POLK: variants seen among roughly 807,000 people sequenced by gnomAD.
POLK encodes the protein DNA polymerase kappa, also known as polymerase (DNA directed) kappa.
In POLK, 76 loss-of-function variants were observed where a neutral mutation model predicts 94.0. The observed-to-expected ratio is 0.81, with a 90% CI of 0.67 to 0.98. POLK has a LOEUF of 0.98. Ranked by LOEUF, POLK falls within the 50% of genes least tolerant of loss-of-function variation. POLK has a pLI of 0.00. For synonymous variants in POLK, 349 were observed against 325.4 expected, an observed-to-expected ratio of 1.07 and a Z score of -0.78; for missense variants, 954 against 1,010.1, an observed-to-expected ratio of 0.94 and a Z score of 0.75.
At chr5:75,569,217 A>G in intron 3 of POLK, 123 bp from the exon 4 acceptor site, 1 of 641,460 alleles carries the variant, frequency 1.6e-6, no homozygotes. Context: ...GGATGGATGG[A>G]TGGATGAATG....
At chr5:75,564,404 A>T (rs572369389) in intron 3 of POLK, among the ~76,000 whole-genome samples, 2 of 151,646 alleles carry the variant, frequency 1.3e-5, no homozygotes, top group South Asian at 4.2e-4. Flanking sequence ...GTGTCTTTTA[A>T]TTGGGGCATT....
At chr5:75,533,273 A>G (rs758731511) in intron 1 of POLK, among the ~76,000 whole-genome samples, 27 of 152,168 alleles carry the variant, frequency 1.8e-4, no homozygotes, top group African/African-American at 6.0e-4. Context: ...ATAATGTAAT[A>G]AAAGGATCTA....
At chr5:75,596,282 T>C (rs1183768784) in exon 13 of POLK, 1 of 1,613,552 alleles carries the variant, frequency 6.2e-7, no homozygotes, top group African/African-American at 1.3e-5. Context: ...AGGAGCATTA[T>C]TGGCTTTTTA....
At chr5:75,546,855 C>T (rs1561357535) in intron 1 of POLK, among the ~76,000 whole-genome samples, 155 bp from the exon 2 acceptor site, 1 of 152,060 alleles carries the variant, frequency 6.6e-6, no homozygotes, top group Non-Finnish European at 1.5e-5. Context: ...TTAGTAGAGA[C>T]AGGGTTTCAC....
rs58783164 is a variant in POLK, at chr5:75,595,248, G to GAAAAAAAAAAAAAAA, written c.1529-963_1529-949dup. 2.5e-3 allele frequency among the ~76,000 whole-genome samples: 63 copies of GAAAAAAAAAAAAAAA among 24,880 alleles called. 12 individuals carry two copies. The highest frequency in any genetic ancestry group is 6.8e-3 in the East Asian group (5 of 734). 16.3% of individuals were successfully genotyped at this position (24,880 alleles called of 152,430 possible). A position where few individuals can be genotyped will look rare whatever the true frequency, so the allele number is the denominator to read the frequency against. ...GCAACAAGAGTGAAACTCCACCTCAGAAAAAAAAAAAAAAAAAAAAAAAAA... is the reference window on the plus strand; with the variant it reads ...GCAACAAGAGTGAAACTCCACCTCAGAAAAAAAAAAAAAAAAAAAAAAAAAAAAAAAAAAAAAAAA... On this transcript the variant is annotated intron_variant, in intron 12 of 14. Transcript: ENST00000241436.
chr5:75,525,656 A>G (rs1768804006), intron 1 of POLK, among the ~76,000 whole-genome samples: 1 of 152,234 alleles, frequency 6.6e-6, no homozygotes, highest in Non-Finnish European at 1.5e-5. Context: ...TCAAAATAGG[A>G]AAACATACAT....
intron 1 of POLK, among the ~76,000 whole-genome samples, chr5:75,533,564 C>T (rs1392960418): frequency 6.6e-6 from 1 of 152,058 alleles, no homozygotes. Flanking sequence ...CTTGGCTATT[C>T]GAGCTCTTTT....
intron 1 of POLK, among the ~76,000 whole-genome samples, chr5:75,515,089 G>C (rs1768261561): frequency 6.6e-6 from 1 of 152,048 alleles, no homozygotes; most frequent in South Asian, 2.1e-4. Context: ...GCAAATATAT[G>C]TTCCAATTAC....
At chr5:75,573,158 A>G (rs1216868209) in intron 4 of POLK, among the ~76,000 whole-genome samples, 3 of 152,140 alleles carry the variant, frequency 2.0e-5, no homozygotes, top group Non-Finnish European at 2.9e-5. Context: ...TGTGGCACAT[A>G]TACACCATGG....
At chr5:75,521,004 A>G (rs774896498) in intron 1 of POLK, among the ~76,000 whole-genome samples, 28 of 143,884 alleles carry the variant, frequency 1.9e-4, no homozygotes, top group Non-Finnish European at 3.2e-4. Context: ...AAGCTCCTTT[A>G]TATGTTATTT....
rs1035059313 is a variant in POLK, at chr5:75,536,071, G to A, written c.-13-10939G>A. On this transcript the variant is annotated intron_variant, in intron 1 of 14. Transcript: ENST00000241436. ...TGCTGGTTCTTTCTCATTTGTGTGG[G>A]CTCATATTCCTTCAGTTTTTGATGT... Among the ~76,000 whole-genome samples the A allele has an allele frequency of 2.0e-5, 3 of 152,218 alleles. No individual in the cohort carries two copies. In the South Asian group the frequency reaches 6.2e-4, roughly 32 times the overall value.
At chr5:75,589,157 A>G (rs1296261312) in intron 10 of POLK, among the ~76,000 whole-genome samples, 2 of 152,054 alleles carry the variant, frequency 1.3e-5, no homozygotes, top group African/African-American at 4.8e-5. Context: ...TTTATGATAG[A>G]AAAAAACTGT....
chr5:75,518,952 C>T (rs576824281), intron 1 of POLK, among the ~76,000 whole-genome samples: 1 of 152,160 alleles, frequency 6.6e-6, no homozygotes, highest in African/African-American at 2.4e-5. Flanking sequence ...TCAGGTGATG[C>T]TCCTGCCTCA....
At chr5:75,512,709 C>T (rs955101319) in intron 1 of POLK, 2 of 152,262 alleles carry the variant, frequency 1.3e-5, no homozygotes, top group African/African-American at 4.8e-5. Flanking sequence ...GTAATTTCCT[C>T]TCGTTAGCTA....
chr5:75,593,376 C>A (rs565224100), intron 11 of POLK, among the ~76,000 whole-genome samples: 1 of 152,112 alleles, frequency 6.6e-6, no homozygotes, highest in African/African-American at 2.4e-5. Flanking sequence ...GTGATCCGCC[C>A]GCCCAAAATG....
chr5:75,520,042 G>A (rs1486853899), intron 1 of POLK, among the ~76,000 whole-genome samples: 2 of 151,904 alleles, frequency 1.3e-5, no homozygotes, highest in South Asian at 2.1e-4. Flanking sequence ...TCTATTATAG[G>A]TTTTTGCACT....
chr5:75,529,853 CAT>C (rs1247249190), intron 1 of POLK, among the ~76,000 whole-genome samples: 3 of 152,148 alleles, frequency 2.0e-5, no homozygotes, highest in Non-Finnish European at 4.4e-5. Flanking sequence ...TGAATATAAA[CAT>C]GTACATATAG....
the POLK span, among the ~76,000 whole-genome samples, chr5:75,607,012 T>C: frequency 6.6e-6 from 1 of 152,168 alleles, no homozygotes. Context: ...AGAACTCAAC[T>C]TCAATTCAGG....
rs201266079 is a variant in POLK, at chr5:75,530,396, CTTTTTTTTTTT to C, written c.-13-16598_-13-16588del. Among the ~76,000 whole-genome samples the C allele has an allele frequency of 3.6e-3, 220 of 61,620 alleles. 2 individuals carry two copies. Among genetic ancestry groups the C allele is most frequent in the Admixed American group, 0.03 (176 of 5,902 alleles). The allele number at this position is 61,620 out of a possible 152,430, so 40.4% of individuals were successfully genotyped here. A position where few individuals can be genotyped will look rare whatever the true frequency, so the allele number is the denominator to read the frequency against. On this transcript the variant is annotated intron_variant, in intron 1 of 14. Coordinates refer to ENST00000241436, the Ensembl canonical transcript of POLK. ...TCTTTGTATTTTTTTTTCCCTTTTT[CTTTTTTTTTTT>C]TTTTTTTTTTTTTTTGAGTTGGAAT... is the stretch of plus-strand genomic sequence containing the variant.
Sources: gnomAD v4.1 joint callset for allele counts (sites outside exome capture counted in the v4.1 genomes callset) on GRCh38, gnomAD v4.1.1 for gene constraint, MANE v1.5 for transcripts, NCBI Gene and HGNC (gene_info 2026-07-23, HGNC 2026-07-21) for gene names.